The following CANX variants were observed in gnomAD, a reference collection of about 807,000 sequenced individuals.
The protein encoded by CANX is epididymis secretory sperm binding protein.
CANX carries 14 observed loss-of-function variants against 75.7 expected under a neutral mutation model. The observed-to-expected ratio is 0.19, with a 90% CI of 0.12 to 0.29. CANX has a LOEUF of 0.29. Ranked by LOEUF, CANX falls within the 10% of genes least tolerant of loss-of-function variation. The probability of loss-of-function intolerance (pLI) is 1.00; values close to 1 mark genes in which losing one functional copy is unlikely to be tolerated. For synonymous variants in CANX, 227 were observed against 236.9 expected (o/e 0.96, Z 0.38); for missense variants, 567 against 713.2 (o/e 0.79, Z 2.34).
intron 1 of CANX, among the ~76,000 whole-genome samples, chr5:179,687,024 G>C (rs9637934): frequency 0.33 from 49,722 of 152,088 alleles, 8,865 homozygotes; most frequent in South Asian, 0.53. Context: ...TAATCCGTCT[G>C]CCTTGGCCTC....
At chr5:179,695,923 CCA>C (rs1182898911), upstream of CANX, among the ~76,000 whole-genome samples, 4 of 151,920 alleles carry the variant, frequency 2.6e-5, no homozygotes, top group Admixed American at 2.0e-4. Flanking sequence ...CAGGCGTGAG[CCA>C]CTGTGCCTGG....
At chr5:179,703,986 AG>A (rs1776946126) in intron 1 of CANX, among the ~76,000 whole-genome samples, 5 of 152,036 alleles carry the variant, frequency 3.3e-5, no homozygotes, top group Admixed American at 6.6e-5. Flanking sequence ...GGATGTGAGG[AG>A]AAAAGGACAT....
At chr5:179,724,873 C>T (rs1278925241) in intron 13 of CANX, 90 bp downstream of exon 13, 14 of 1,483,874 alleles carry the variant, frequency 9.4e-6, no homozygotes, top group Middle Eastern at 2.1e-4. Context: ...TGTTTTTAGC[C>T]AGGCGTGGTG....
At chr5:179,715,934 A>G (rs772141654) in intron 7 of CANX, 171 bp from the exon 8 acceptor site, 4 of 696,584 alleles carry the variant, frequency 5.7e-6, no homozygotes, top group Non-Finnish European at 1.0e-5. Context: ...TTTCGTGCAT[A>G]AGGAAATGGG....
chr5:179,695,964 T>A (rs1350319519), upstream of CANX, among the ~76,000 whole-genome samples: 1 of 152,028 alleles, frequency 6.6e-6, no homozygotes, highest in African/African-American at 2.4e-5. Context: ...GACAGGGTGT[T>A]ACTCTGGTAC....
intron 14 of CANX, 109 bp downstream of exon 14, chr5:179,726,868 G>T: frequency 1.4e-6 from 1 of 732,496 alleles, no homozygotes; most frequent in Non-Finnish European, 2.3e-6. Flanking sequence ...TAAAAATTCT[G>T]TTAAAGCCAA....
In CANX at chr5:179,723,093, GT is replaced by G. The variant is rs1205238148; in HGVS notation, c.1398+82del. The G allele has an allele frequency of 5.3e-6, 7 of 1,311,342 alleles. No individual in the cohort carries two copies. In the South Asian group the frequency reaches 6.3e-5, roughly 12 times the overall value. The allele number at this position is 1,311,342 out of a possible 1,614,324, so 81.2% of individuals were successfully genotyped here. On this transcript the variant is annotated intron_variant, in intron 11 of 14. Transcript: ENST00000247461. The stretch of plus-strand genomic sequence containing the variant: ...TTATTTTGTGAAAGTCTGTGTTAAG[GT>G]TTTTTTTCTTCATTTGGCAATATTG...
intron 1 of CANX, chr5:179,701,012 G>C (rs1442277487): frequency 6.6e-6 from 1 of 152,076 alleles, no homozygotes; most frequent in Non-Finnish European, 1.5e-5. Flanking sequence ...ACAGGTGCCC[G>C]CCACCACGCC....
At chr5:179,686,102 C>CT (rs757104413) in intron 1 of CANX, among the ~76,000 whole-genome samples, 2,000 of 128,610 alleles carry the variant, frequency 0.016, 96 homozygotes, top group African/African-American at 0.05. Context: ...TTGTTCAAGT[C>CT]TTTTTTTTTT....
At position 179,678,977 on chromosome 5, in the gene CANX, C is replaced by T. The variant is rs1473851220; in HGVS notation, c.-4+200C>T. The T allele has an allele frequency of 2.6e-6, 4 of 1,535,776 alleles. No homozygotes were observed. The African/African-American group carries it at 4.1e-5, about 16-fold the overall frequency. ...GTAGGCGAGGCCCAGCTCGGCCTGGCGCGTGTTGTGGTCCAGCAGGTAGAA... is the reference window on the plus strand; with the variant it reads ...GTAGGCGAGGCCCAGCTCGGCCTGGTGCGTGTTGTGGTCCAGCAGGTAGAA... On this transcript the variant is annotated intron_variant, in intron 1 of 14. Transcript: ENST00000681674.
At chr5:179,689,273 C>A (rs959750304) in intron 1 of CANX, among the ~76,000 whole-genome samples, 3 of 151,412 alleles carry the variant, frequency 2.0e-5, no homozygotes, top group East Asian at 1.9e-4. Flanking sequence ...TAACAAAAAA[C>A]CAACGAAAAC....
At chr5:179,686,174 T>G (rs1429725881) in intron 1 of CANX, among the ~76,000 whole-genome samples, 1 of 148,266 alleles carries the variant, frequency 6.7e-6, no homozygotes, top group Non-Finnish European at 1.5e-5. Context: ...CTTGGCTCAC[T>G]GCAACCTCCA....
At chr5:179,723,814 G>A (rs1778468748) in intron 12 of CANX, 35 bp downstream of exon 12, 1 of 1,558,944 alleles carries the variant, frequency 6.4e-7, no homozygotes, top group African/African-American at 1.4e-5. Flanking sequence ...CAATTTTAGA[G>A]ACATCACTCT....
chr5:179,726,657 C>T (rs376042966), intron 13 of CANX, 23 bp from the exon 14 acceptor site: 5 of 1,530,782 alleles, frequency 3.3e-6, no homozygotes, highest in Admixed American at 1.7e-5. Flanking sequence ...AGGTTTTGCT[C>T]AGTTGTTTAA....
intron 1 of CANX, chr5:179,679,172 G>A (rs1426948110): frequency 1.2e-5 from 19 of 1,535,262 alleles, no homozygotes; most frequent in Non-Finnish European, 1.7e-5. Context: ...GCAGGTGCTC[G>A]AAGGGGAGCC....
chr5:179,687,369 C>G (rs1024999372), intron 1 of CANX, among the ~76,000 whole-genome samples: 1 of 152,132 alleles, frequency 6.6e-6, no homozygotes, highest in African/African-American at 2.4e-5. Context: ...TCCCAAAGTG[C>G]TGGGATGACA....
intron 1 of CANX, chr5:179,679,399 C>A: frequency 1.4e-6 from 1 of 738,624 alleles, no homozygotes; most frequent in Non-Finnish European, 2.1e-6. Flanking sequence ...ACCGAGGAGC[C>A]CGTCGTTCCA....
At chr5:179,725,380 T>C in intron 13 of CANX, among the ~76,000 whole-genome samples, 1 of 151,616 alleles carries the variant, frequency 6.6e-6, no homozygotes, top group Non-Finnish European at 1.5e-5. Flanking sequence ...CGAGATCCTG[T>C]CTCTTAAAAA....
intron 1 of CANX, among the ~76,000 whole-genome samples, chr5:179,688,450 G>A (rs1410679069): frequency 6.9e-6 from 1 of 144,092 alleles, no homozygotes; most frequent in Non-Finnish European, 1.5e-5. Context: ...TGCAAGCTCT[G>A]CCTCCCGGGT....
Sources: allele counts gnomAD v4.1 joint callset (sites outside exome capture counted in the v4.1 genomes callset), GRCh38; gene constraint gnomAD v4.1.1; transcripts MANE v1.5; gene names NCBI Gene and HGNC (gene_info 2026-07-23, HGNC 2026-07-21).